IL22RA2: variants seen among roughly 807,000 people sequenced by gnomAD.
IL22RA2 encodes the protein interleukin 22 receptor subunit alpha 2.
A neutral mutation model predicts 30.7 loss-of-function variants in IL22RA2; 39 were observed. That is an observed-to-expected ratio of 1.27 (90% CI 0.98 to 1.66). The LOEUF (loss-of-function observed/expected upper bound fraction) is 1.66, where lower values mean the gene tolerates loss of function less well. IL22RA2 is among the 40% of genes most tolerant of loss of function. The pLI, the probability that IL22RA2 is intolerant of heterozygous loss-of-function variation, is 0.00. For missense variants in IL22RA2, 315 were observed against 312.7 expected, an observed-to-expected ratio of 1.01 and a Z score of -0.05; for synonymous variants, 103 against 105.0, an observed-to-expected ratio of 0.98 and a Z score of 0.11.
At chr6:137,167,726 T>A (rs1332894967) in intron 1 of IL22RA2, among the ~76,000 whole-genome samples, 1 of 152,080 alleles carries the variant, frequency 6.6e-6, no homozygotes, top group African/African-American at 2.4e-5. Context: ...AGTGGACAAG[T>A]CAACAAAACC....
At chr6:137,166,539 G>T (rs567321055) in intron 1 of IL22RA2, among the ~76,000 whole-genome samples, 1 of 152,304 alleles carries the variant, frequency 6.6e-6, no homozygotes, top group Admixed American at 6.5e-5. Flanking sequence ...AGCCAAAAGA[G>T]CTGCAATGAC....
chr6:137,145,623 G>T lies in IL22RA2; in HGVS notation c.*1C>A, dbSNP rs746939819. 7 of 1,603,190 alleles carry T rather than the reference G, an allele frequency of 4.4e-6. No homozygotes were observed. The Admixed American group carries it at 5.1e-5, about 12-fold the overall frequency. ...CATTGCTGAATGCCAAATTCCACAA[G>T]TCATGGAATTTCCACACATCTCTCT... On this transcript the variant is annotated 3_prime_UTR_variant, in exon 7 of 7. Transcript: ENST00000296980.
At chr6:137,158,515 G>A (rs1235182053) in intron 2 of IL22RA2, 33 bp from the exon 3 acceptor site, 7 of 1,611,436 alleles carry the variant, frequency 4.3e-6, no homozygotes, top group South Asian at 2.2e-5. Context: ...AACATTGAAC[G>A]TTGCTTGGAG....
Position 137,147,745 on chromosome 6 carries a change from T to C in IL22RA2, c.619A>G (p.Ile207Val), listed in dbSNP as rs1778209305. ...DYYELLYRVF[I>V]INNSLEKEQK... ...ACCTTTTCTAGTGAATTGTTAATTA[T>C]AAAAACTCGGTATAGTAGTTCATAG... is the stretch of plus-strand genomic sequence containing the variant. Residue 207 changes from isoleucine (I) to valine (V), a missense_variant, in exon 6 of 7, where the codon ATA (isoleucine) becomes GTA (valine). Coordinates refer to ENST00000296980, the MANE Select transcript of IL22RA2 (RefSeq NM_052962.3). The C allele has an allele frequency of 6.4e-7, 1 of 1,565,972 alleles. No individual in the cohort carries two copies. The highest frequency in any genetic ancestry group is 8.7e-7 in the Non-Finnish European group (1 of 1,148,026).
intron 5 of IL22RA2, among the ~76,000 whole-genome samples, chr6:137,153,724 G>T (rs1005339177): frequency 6.6e-6 from 1 of 152,090 alleles, no homozygotes; most frequent in African/African-American, 2.4e-5. Flanking sequence ...AAATACAATG[G>T]GGTCAGGTGG....
At chr6:137,164,667 G>C (rs1045096040) in intron 1 of IL22RA2, among the ~76,000 whole-genome samples, 2 of 152,202 alleles carry the variant, frequency 1.3e-5, no homozygotes, top group African/African-American at 4.8e-5. Context: ...AGAGGAGCCA[G>C]AGCCCTTGAC....
chr6:137,168,285 C>T (rs1347657692), intron 1 of IL22RA2, among the ~76,000 whole-genome samples: 1 of 152,066 alleles, frequency 6.6e-6, no homozygotes, highest in Non-Finnish European at 1.5e-5. Flanking sequence ...AACGGGCAGC[C>T]CCAAATATGT....
intron 5 of IL22RA2, among the ~76,000 whole-genome samples, 161 bp from the exon 6 acceptor site, chr6:137,148,052 T>C (rs985549939): frequency 6.6e-6 from 1 of 152,194 alleles, no homozygotes; most frequent in African/African-American, 2.4e-5. Context: ...ATAGCTTGTG[T>C]GGCATAGTGA....
intron 1 of IL22RA2, among the ~76,000 whole-genome samples, chr6:137,163,640 G>A (rs1318432125): frequency 6.6e-6 from 1 of 152,214 alleles, no homozygotes; most frequent in East Asian, 1.9e-4. Context: ...CCATAAGGAT[G>A]GAAGGGGAGC....
At position 137,148,971 on chromosome 6, in the gene IL22RA2, T is replaced by C. The variant is rs78553323; in HGVS notation, c.473-1080A>G. ...ACCCATTCACTGGATTGTGATTGTGTTACAAGACCAAGTCAAGATTATTTG... is the reference window on the plus strand; with the variant it reads ...ACCCATTCACTGGATTGTGATTGTGCTACAAGACCAAGTCAAGATTATTTG... On this transcript the variant is annotated intron_variant, in intron 5 of 6. Coordinates refer to ENST00000296980, the MANE Select transcript of IL22RA2 (RefSeq NM_052962.3). Among the ~76,000 whole-genome samples, 233 of 152,312 alleles carry C rather than the reference T, an allele frequency of 1.5e-3. 1 individual carries two copies. Among genetic ancestry groups the C allele is most frequent in the African/African-American group, 5.4e-3 (224 of 41,568 alleles).
chr6:137,155,125 G>T lies in IL22RA2; in HGVS notation c.294-6C>A, dbSNP rs751617911. 2 of 1,524,324 alleles carry T rather than the reference G, an allele frequency of 1.3e-6. No homozygotes were observed. Among genetic ancestry groups the T allele is most frequent in the Non-Finnish European group, 1.8e-6 (2 of 1,136,096 alleles). The allele number at this position is 1,524,324 out of a possible 1,614,324, so 94.4% of individuals were successfully genotyped here. On this transcript the variant is annotated splice_polypyrimidine_tract_variant and splice_region_variant and intron_variant, in intron 4 of 6. Coordinates refer to ENST00000296980, the MANE Select transcript of IL22RA2 (RefSeq NM_052962.3). ...TCCATTGTCTCTGTCCATATCTGTAGCAGGGAAAAGGCAAAGATCTGAGTT... is the reference window on the plus strand; with the variant it reads ...TCCATTGTCTCTGTCCATATCTGTATCAGGGAAAAGGCAAAGATCTGAGTT...
intron 1 of IL22RA2, among the ~76,000 whole-genome samples, chr6:137,165,113 G>A (rs1431372431): frequency 6.6e-6 from 1 of 152,140 alleles, no homozygotes; most frequent in African/African-American, 2.4e-5. Flanking sequence ...ACCCAGGCTG[G>A]GACCCTAACC....
chr6:137,166,501 C>T (rs1448730355), intron 1 of IL22RA2, among the ~76,000 whole-genome samples: 2 of 152,106 alleles, frequency 1.3e-5, no homozygotes, highest in East Asian at 3.8e-4. Context: ...CATGACAAGG[C>T]CAGAGAAAAC....
chr6:137,167,908 C>G (rs1778654402), intron 1 of IL22RA2, among the ~76,000 whole-genome samples: 1 of 152,202 alleles, frequency 6.6e-6, no homozygotes, highest in South Asian at 2.1e-4. Context: ...CTATGCATGG[C>G]TGAAGCCTGA....
At position 137,173,611 on chromosome 6, in the gene IL22RA2, C is replaced by T. The variant is rs1003167488; in HGVS notation, c.-264G>A. 1 of 152,156 alleles carries T rather than the reference C, an allele frequency of 6.6e-6. No homozygotes were observed. Among genetic ancestry groups the T allele is most frequent in the Non-Finnish European group, 1.5e-5 (1 of 68,040 alleles). 9.4% of individuals were successfully genotyped at this position (152,156 alleles called of 1,614,324 possible). A position where few individuals can be genotyped will look rare whatever the true frequency, so the allele number is the denominator to read the frequency against. On this transcript the variant is annotated 5_prime_UTR_variant, in exon 1 of 7. Transcript: ENST00000296980. ...GACATAGATAGAGAGGTGGAGAGAA[C>T]TTGACCAGGGCTCTATAGCGAGTAG... is the stretch of plus-strand genomic sequence containing the variant.
chr6:137,147,717 CTT>C lies in IL22RA2; in HGVS notation c.642+3_642+4del. On this transcript the variant is annotated splice_donor_region_variant and intron_variant, in intron 6 of 6. Transcript: ENST00000296980. ...CTCTAAATATATCTATTCATCTGAACTTACCTTTTCTAGTGAATTGTTAATTA... is the reference window on the plus strand; with the variant it reads ...CTCTAAATATATCTATTCATCTGAACACCTTTTCTAGTGAATTGTTAATTA... The C allele has an allele frequency of 6.6e-7, 1 of 1,524,172 alleles. No individual in the cohort carries two copies. Among genetic ancestry groups the C allele is most frequent in the South Asian group, 1.2e-5 (1 of 83,896 alleles). The allele number at this position is 1,524,172 out of a possible 1,614,324, so 94.4% of individuals were successfully genotyped here. A position where few individuals can be genotyped will look rare whatever the true frequency, so the allele number is the denominator to read the frequency against.
chr6:137,162,972 C>A (rs1582607854), intron 1 of IL22RA2, among the ~76,000 whole-genome samples: 1 of 152,006 alleles, frequency 6.6e-6, no homozygotes, highest in Non-Finnish European at 1.5e-5. Context: ...CAAAGTGTGA[C>A]CCCCCACCTT....
At chr6:137,169,556 C>T (rs968288535) in intron 1 of IL22RA2, among the ~76,000 whole-genome samples, 15 of 152,072 alleles carry the variant, frequency 9.9e-5, no homozygotes, top group African/African-American at 2.7e-4. Context: ...AAAATAAGTA[C>T]TGAGGAAAAA....
chr6:137,146,178 C>T (rs1191712154), intron 6 of IL22RA2, among the ~76,000 whole-genome samples: 1 of 152,108 alleles, frequency 6.6e-6, no homozygotes, highest in East Asian at 1.9e-4. Context: ...ATTGCAGACG[C>T]ATACCACCAC....
Sources: gnomAD v4.1 joint callset for allele counts (sites outside exome capture counted in the v4.1 genomes callset) on GRCh38, gnomAD v4.1.1 for gene constraint, MANE v1.5 for transcripts, NCBI Gene and HGNC (gene_info 2026-07-23, HGNC 2026-07-21) for gene names.